Variants in PRDM9 observed in about 807,000 individuals in gnomAD.
PRDM9 encodes histone-lysine N-methyltransferase PRDM9.
A neutral mutation model predicts 55.6 loss-of-function variants in PRDM9; 47 were observed. That is an observed-to-expected ratio of 0.85 (90% confidence interval 0.67 to 1.08). PRDM9 has a LOEUF of 1.08. Ranked by LOEUF, PRDM9 falls within the 50% of genes least tolerant of loss-of-function variation. The pLI is 0.00. For missense variants in PRDM9, 867 were observed against 1,040.3 expected (o/e 0.83, Z 2.29); for synonymous variants, 312 against 375.7 (o/e 0.83, Z 1.96).
intron 4 of PRDM9, among the ~76,000 whole-genome samples, chr5:23,515,484 T>C (rs1023159001): frequency 1.3e-5 from 2 of 152,212 alleles, no homozygotes; most frequent in African/African-American, 4.8e-5. Flanking sequence ...CTCTGTTGAA[T>C]GTTTTCTTTG....
At chr5:23,517,016 G>A (rs1287414339) in intron 4 of PRDM9, among the ~76,000 whole-genome samples, 1 of 150,950 alleles carries the variant, frequency 6.6e-6, no homozygotes, top group Non-Finnish European at 1.5e-5. Flanking sequence ...AGCTGGGCGT[G>A]GTGGTGGGCG....
At position 23,509,594 on chromosome 5, in the gene PRDM9, G is replaced by C. The variant is rs200586153; in HGVS notation, c.193+1G>C. On this transcript the variant is annotated splice_donor_variant, in intron 3 of 10. Transcript: ENST00000296682. LOFTEE classifies it high-confidence loss of function. ...AACTATAATGCACTGATTACTATAG[G>C]TAACAGGAAGTGCTGGGCACAGACC... The C allele has an allele frequency of 3.7e-6, 6 of 1,614,074 alleles. No homozygotes were observed. In the African/African-American group the frequency reaches 4.0e-5, roughly 11 times the overall value.
In PRDM9 at chr5:23,526,633, G is replaced by C; in HGVS notation, c.1545G>C (p.Gly515=). The C allele has an allele frequency of 6.2e-7, 1 of 1,614,212 alleles. No individual in the cohort carries two copies. The change falls in exon 11 of 11, where the codon GGG becomes GGC. Residue 515 remains glycine, a synonymous_variant. Coordinates refer to ENST00000296682, the MANE Select transcript of PRDM9 (RefSeq NM_020227.4). Reference sequence around the variant, plus strand: ...GGAACACAGGCAAATTATTTGTGGGGGTAGGAATCTCAAGAATTGCAAAAG... The same window carrying C: ...GGAACACAGGCAAATTATTTGTGGGCGTAGGAATCTCAAGAATTGCAAAAG... ...NPGNTGKLFV[G]VGISRIAKVK...
rs1371054932 is a variant in PRDM9, at chr5:23,527,587, C to T, written c.2499C>T (p.Val833=). 1 of 1,510,600 alleles carries T rather than the reference C, an allele frequency of 6.6e-7. No individual in the cohort carries two copies. Among genetic ancestry groups the T allele is most frequent in the Non-Finnish European group, 8.9e-7 (1 of 1,126,628 alleles). The allele number at this position is 1,510,600 out of a possible 1,614,324, so 93.6% of individuals were successfully genotyped here. Residue 833 remains valine, a synonymous_variant, in exon 11 of 11, where the codon GTC becomes GTT. Coordinates refer to ENST00000296682, the MANE Select transcript of PRDM9 (RefSeq NM_020227.4). ...QRTHTGEKPY[V]CRECGRGFRN... ...CACACACAGGGGAGAAGCCCTATGT[C>T]TGCAGGGAGTGTGGGCGGGGCTTTC...
intron 10 of PRDM9, among the ~76,000 whole-genome samples, 200 bp downstream of exon 10, chr5:23,524,727 G>T (rs941467805): frequency 1.3e-5 from 2 of 151,988 alleles, no homozygotes; most frequent in Admixed American, 1.3e-4. Context: ...TCTTTGTTCT[G>T]ATTTTATATT....
At position 23,509,118 on chromosome 5, in the gene PRDM9, A is replaced by G. The variant is rs2126405140; in HGVS notation, c.69+16A>G. Reference sequence around the variant, plus strand: ...GAAGCCCATGGTGAGAAGTGGAGGAAGCGAAGCTGGACTCCTAGCAGGAGC... The same window carrying G: ...GAAGCCCATGGTGAGAAGTGGAGGAGGCGAAGCTGGACTCCTAGCAGGAGC... On this transcript the variant is annotated intron_variant, in intron 2 of 10. Transcript: ENST00000296682. 1 of 1,613,848 alleles carries G rather than the reference A, an allele frequency of 6.2e-7. No homozygotes were observed. The highest frequency in any genetic ancestry group is 1.1e-5 in the South Asian group (1 of 91,072).
chr5:23,515,854 T>G (rs1739199839), intron 4 of PRDM9, among the ~76,000 whole-genome samples: 2 of 152,254 alleles, frequency 1.3e-5, no homozygotes, highest in South Asian at 4.1e-4. Flanking sequence ...CTCTCTATTC[T>G]GTTCCATTGG....
intron 1 of PRDM9, among the ~76,000 whole-genome samples, chr5:23,508,062 C>G (rs1739020315): frequency 6.6e-6 from 1 of 151,832 alleles, no homozygotes; most frequent in African/African-American, 2.4e-5. Flanking sequence ...ACCTAAATAG[C>G]CTGAAAACTC....
chr5:23,508,644 C>T (rs1389555373), intron 1 of PRDM9, among the ~76,000 whole-genome samples: 1 of 152,170 alleles, frequency 6.6e-6, no homozygotes, highest in Non-Finnish European at 1.5e-5. Flanking sequence ...CTGGCTCTCA[C>T]ACCTCAGGAC....
chr5:23,528,064 T>A lies in PRDM9; in HGVS notation c.*291T>A. 2.0e-6 allele frequency: 1 copy of A among 509,352 alleles called. No homozygotes were observed. Among genetic ancestry groups the A allele is most frequent in the Non-Finnish European group, 3.5e-6 (1 of 283,246 alleles). 31.6% of individuals were successfully genotyped at this position (509,352 alleles called of 1,614,324 possible). ...TTGTTTGTTTTTTTGCCTCCTGTTC[T>A]AATAAATTTTGTCTCCATACAAATC... On this transcript the variant is annotated 3_prime_UTR_variant, in exon 11 of 11. Coordinates refer to ENST00000296682, the MANE Select transcript of PRDM9 (RefSeq NM_020227.4).
Position 23,517,869 on chromosome 5 carries a change from A to G in PRDM9, c.302-12A>G. Reference sequence around the variant, plus strand: ...TTACCAACCAAACCACTGATTTCTCATCACCTTTTAGTCAAACCTCCTTGG... The same window carrying G: ...TTACCAACCAAACCACTGATTTCTCGTCACCTTTTAGTCAAACCTCCTTGG... On this transcript the variant is annotated splice_polypyrimidine_tract_variant and intron_variant, in intron 4 of 10. Transcript: ENST00000296682. 1 of 1,580,374 alleles carries G rather than the reference A, an allele frequency of 6.3e-7. No individual in the cohort carries two copies. Among genetic ancestry groups the G allele is most frequent in the Non-Finnish European group, 8.7e-7 (1 of 1,149,264 alleles).
intron 10 of PRDM9, 85 bp from the exon 11 acceptor site, chr5:23,526,148 T>C: frequency 7.0e-7 from 1 of 1,438,330 alleles, no homozygotes. Flanking sequence ...TGAAGAATGA[T>C]TGTTTCTTCA....
At chr5:23,524,133 T>C (rs905150247) in intron 9 of PRDM9, among the ~76,000 whole-genome samples, 1 of 152,124 alleles carries the variant, frequency 6.6e-6, no homozygotes, top group Non-Finnish European at 1.5e-5. Context: ...CTAGGCAGGA[T>C]GAACACTGTA....
chr5:23,513,491 A>G (rs890130580), intron 4 of PRDM9, among the ~76,000 whole-genome samples: 12 of 152,098 alleles, frequency 7.9e-5, no homozygotes, highest in African/African-American at 2.9e-4. Context: ...CCACCATGTC[A>G]TGATGCGGTT....
intron 10 of PRDM9, among the ~76,000 whole-genome samples, 178 bp downstream of exon 10, chr5:23,524,705 C>T (rs1447516597): frequency 6.6e-6 from 1 of 152,126 alleles, no homozygotes; most frequent in Non-Finnish European, 1.5e-5. Context: ...GAACAATTTT[C>T]ATATTTTTAA....
At chr5:23,522,915 T>G (rs776528997) in intron 8 of PRDM9, 30 bp downstream of exon 8, 5 of 1,614,254 alleles carry the variant, frequency 3.1e-6, no homozygotes, top group Non-Finnish European at 4.2e-6. Flanking sequence ...TCCCCTGTTC[T>G]GTCTTCCCAC....
chr5:23,513,041 G>A (rs1739131760), intron 4 of PRDM9, among the ~76,000 whole-genome samples: 1 of 152,100 alleles, frequency 6.6e-6, no homozygotes, highest in African/African-American at 2.4e-5. Context: ...TGGATATTAG[G>A]TTGCTTCACC....
chr5:23,519,885 A>T (rs142720740), intron 5 of PRDM9, among the ~76,000 whole-genome samples: 2,487 of 147,304 alleles, frequency 0.017, 70 homozygotes, highest in African/African-American at 0.059. Context: ...CTCTACTAAA[A>T]CTACAAAAAT....
At chr5:23,523,411 C>A in intron 9 of PRDM9, 53 bp downstream of exon 9, 1 of 1,543,778 alleles carries the variant, frequency 6.5e-7, no homozygotes, top group Non-Finnish European at 9.0e-7. Flanking sequence ...TCTCACAAAG[C>A]TGGATTTCCT....
Sources: allele counts gnomAD v4.1 joint callset (sites outside exome capture counted in the v4.1 genomes callset), GRCh38; gene constraint gnomAD v4.1.1; transcripts MANE v1.5; gene names NCBI Gene and HGNC (gene_info 2026-07-23, HGNC 2026-07-21).